The following MAP3K1 variants were observed in gnomAD, a reference collection of about 807,000 sequenced individuals.
MAP3K1 encodes MAP/ERK kinase kinase 1.
Under a neutral mutation model 144.2 loss-of-function variants are expected in MAP3K1, and 36 were observed. The observed-to-expected ratio is 0.25, with a 90% confidence interval of 0.19 to 0.33. MAP3K1 has a LOEUF of 0.33. Ranked by LOEUF, MAP3K1 falls within the 10% of genes least tolerant of loss-of-function variation. The pLI is 1.00. For synonymous variants in MAP3K1, 718 were observed against 688.7 expected, an observed-to-expected ratio of 1.04 and a Z score of -0.67; for missense variants, 1,650 against 1,881.9, an observed-to-expected ratio of 0.88 and a Z score of 2.28.
intron 19 of MAP3K1, among the ~76,000 whole-genome samples, chr5:56,892,976 T>TAAA (rs1162696229): frequency 0.035 from 5,310 of 150,226 alleles, 260 homozygotes; most frequent in African/African-American, 0.11. Context: ...TCTTTTTTTT[T>TAAA]AAAAAAAAAG....
At position 56,872,947 on chromosome 5, in the gene MAP3K1, A is replaced by G. The variant is rs1054518497; in HGVS notation, c.1628A>G (p.His543Arg). 4 of 1,614,098 alleles carry G rather than the reference A, an allele frequency of 2.5e-6. No individual in the cohort carries two copies. Among genetic ancestry groups the G allele is most frequent in the Middle Eastern group, 1.7e-4 (1 of 6,058 alleles). ...CAAGAGAGCAATTTTAACCTTACTC[A>G]TTATGGAACTCAGCAAATCCCTCCT... is the stretch of plus-strand genomic sequence containing the variant. Reference protein sequence around the residue: ...RNQESNFNLTHYGTQQIPPAY... With the variant: ...RNQESNFNLTRYGTQQIPPAY... The change falls in exon 9 of 20, where the codon CAT becomes CGT. Residue 543 changes from histidine (H) to arginine (R), a missense_variant. By Grantham distance (29) the His-to-Arg change is conservative. Coordinates refer to ENST00000399503, the MANE Select transcript of MAP3K1 (RefSeq NM_005921.2).
At chr5:56,857,265 A>G (rs16886429) in intron 2 of MAP3K1, among the ~76,000 whole-genome samples, 15,092 of 152,168 alleles carry the variant, frequency 0.099, 1,215 homozygotes, top group East Asian at 0.34. Context: ...AAAAATGTTT[A>G]ATAGACCTAT....
chr5:56,843,255 C>T (rs73759232), intron 1 of MAP3K1, among the ~76,000 whole-genome samples: 3,155 of 152,256 alleles, frequency 0.021, 108 homozygotes, highest in African/African-American at 0.073. Flanking sequence ...TGGCCAGTGA[C>T]CCAGTAGCCG....
At chr5:56,842,287 TAAC>T (rs1746837696) in intron 1 of MAP3K1, 1 of 152,246 alleles carries the variant, frequency 6.6e-6, no homozygotes, top group South Asian at 2.1e-4. Context: ...GAAGTTATAA[TAAC>T]AGCATAGTGG....
intron 6 of MAP3K1, among the ~76,000 whole-genome samples, chr5:56,869,276 A>C (rs1317446150): frequency 6.6e-6 from 1 of 152,054 alleles, no homozygotes; most frequent in East Asian, 1.9e-4. Context: ...GTCTCAAAAA[A>C]ATGTAGAATG....
intron 1 of MAP3K1, among the ~76,000 whole-genome samples, chr5:56,846,394 G>C (rs895898991): frequency 2.0e-5 from 3 of 152,152 alleles, no homozygotes; most frequent in Admixed American, 6.5e-5. Context: ...GTGTTCGCTT[G>C]AAAACAAGTC....
At chr5:56,818,241 G>A (rs978577962) in intron 1 of MAP3K1, among the ~76,000 whole-genome samples, 1 of 151,914 alleles carries the variant, frequency 6.6e-6, no homozygotes, top group Non-Finnish European at 1.5e-5. Flanking sequence ...TCTTATTTGA[G>A]TGTGTATATT....
intron 1 of MAP3K1, among the ~76,000 whole-genome samples, chr5:56,853,333 A>G (rs1747233919): frequency 6.6e-6 from 1 of 152,254 alleles, no homozygotes; most frequent in African/African-American, 2.4e-5. Flanking sequence ...AGGAACAGTG[A>G]AAATTGTTCT....
At chr5:56,824,810 C>T (rs1364337356) in intron 1 of MAP3K1, among the ~76,000 whole-genome samples, 1 of 152,138 alleles carries the variant, frequency 6.6e-6, no homozygotes, top group Non-Finnish European at 1.5e-5. Flanking sequence ...AATGTCTTAT[C>T]TATTATCTGT....
intron 1 of MAP3K1, among the ~76,000 whole-genome samples, chr5:56,853,377 T>A (rs1047095699): frequency 1.1e-4 from 17 of 147,832 alleles, no homozygotes; most frequent in African/African-American, 3.9e-4. Flanking sequence ...TAGTCTTAAT[T>A]AAATACAGAA....
At chr5:56,856,860 A>C (rs1747359310) in intron 2 of MAP3K1, 110 bp downstream of exon 2, 1 of 1,182,808 alleles carries the variant, frequency 8.5e-7, no homozygotes, top group Non-Finnish European at 1.2e-6. Context: ...TAAATGTAGT[A>C]GTTTTCTTTA....
chr5:56,865,694 G>A, intron 5 of MAP3K1, 135 bp from the exon 6 acceptor site: 1 of 921,990 alleles, frequency 1.1e-6, no homozygotes, highest in Non-Finnish European at 1.7e-6. Flanking sequence ...ACTATAATGT[G>A]TTCTTATTTT....
chr5:56,860,556 A>G (rs1019250449), intron 3 of MAP3K1, among the ~76,000 whole-genome samples: 1 of 152,218 alleles, frequency 6.6e-6, no homozygotes, highest in Non-Finnish European at 1.5e-5. Context: ...TGTCACTTCA[A>G]GGAAAGCAAC....
At chr5:56,869,647 C>A (rs544703292) in intron 6 of MAP3K1, among the ~76,000 whole-genome samples, 4 of 152,116 alleles carry the variant, frequency 2.6e-5, no homozygotes, top group Admixed American at 2.0e-4. Flanking sequence ...GAATGGTATT[C>A]TTTTTGTTGT....
intron 10 of MAP3K1, among the ~76,000 whole-genome samples, chr5:56,877,959 C>T (rs1309783018): frequency 1.3e-5 from 2 of 152,150 alleles, no homozygotes; most frequent in Non-Finnish European, 2.9e-5. Flanking sequence ...GATGTTTTCT[C>T]ATGATTAGAT....
At chr5:56,820,894 C>A in intron 1 of MAP3K1, 2 of 602,008 alleles carry the variant, frequency 3.3e-6, no homozygotes, top group Non-Finnish European at 4.2e-6. Context: ...GGGGATACAA[C>A]ATATTAGTTT....
chr5:56,872,273 T>C (rs1039263987), intron 7 of MAP3K1, among the ~76,000 whole-genome samples: 3 of 152,032 alleles, frequency 2.0e-5, no homozygotes, highest in African/African-American at 7.3e-5. Flanking sequence ...ATGGAAGAAG[T>C]GCACAGAATT....
chr5:56,886,968 C>T (rs1456080755), intron 17 of MAP3K1, among the ~76,000 whole-genome samples: 1 of 151,894 alleles, frequency 6.6e-6, no homozygotes, highest in African/African-American at 2.4e-5. Context: ...GCCATGTTGC[C>T]CCCAGGCTGG....
chr5:56,863,245 A>G (rs548304655), intron 3 of MAP3K1, among the ~76,000 whole-genome samples: 14 of 152,360 alleles, frequency 9.2e-5, no homozygotes, highest in Non-Finnish European at 1.8e-4. Context: ...CACTTGGTTC[A>G]TGAATCATTC....
Sources: gnomAD v4.1 joint callset for allele counts (sites outside exome capture counted in the v4.1 genomes callset) on GRCh38, gnomAD v4.1.1 for gene constraint, MANE v1.5 for transcripts, NCBI Gene and HGNC (gene_info 2026-07-23, HGNC 2026-07-21) for gene names.